The following SND1 variants were observed in gnomAD, a reference collection of about 807,000 sequenced individuals.
The protein encoded by SND1 is staphylococcal nuclease and tudor domain containing 1.
Under a neutral mutation model 121.7 loss-of-function variants are expected in SND1, and 38 were observed. The ratio of observed to expected loss-of-function variants is 0.31; its 90% CI spans 0.24 to 0.41. The LOEUF (loss-of-function observed/expected upper bound fraction) is 0.41, where lower values mean the gene tolerates loss of function less well. SND1 is among the 10% of genes least tolerant of loss of function. The pLI is 1.00. For synonymous variants in SND1, 401 were observed against 447.4 expected (o/e 0.90, Z 1.31); for missense variants, 868 against 1,184.6 (o/e 0.73, Z 3.92).
intron 9 of SND1, among the ~76,000 whole-genome samples, chr7:127,718,989 C>T (rs1184972991): frequency 6.6e-6 from 1 of 152,062 alleles, no homozygotes; most frequent in Non-Finnish European, 1.5e-5. Flanking sequence ...CAGTTACCCT[C>T]TATCCTTTGG....
intron 14 of SND1, among the ~76,000 whole-genome samples, chr7:127,916,279 T>C (rs1318075838): frequency 2.0e-5 from 3 of 151,996 alleles, no homozygotes; most frequent in Non-Finnish European, 4.4e-5. Flanking sequence ...AACTGAGTGG[T>C]TGATTGGATT....
intron 21 of SND1, among the ~76,000 whole-genome samples, chr7:128,087,558 G>A (rs956886953): frequency 6.6e-6 from 1 of 152,212 alleles, no homozygotes; most frequent in Non-Finnish European, 1.5e-5. Flanking sequence ...AGAGACAAAG[G>A]TGGTGCTGGG....
At chr7:127,720,418 A>G (rs1028446810) in intron 9 of SND1, among the ~76,000 whole-genome samples, 2 of 152,208 alleles carry the variant, frequency 1.3e-5, no homozygotes, top group Non-Finnish European at 2.9e-5. Context: ...AAAAAAAGGC[A>G]TTGAATATAA....
chr7:128,018,983 CCTTA>C (rs1388749066), intron 16 of SND1, among the ~76,000 whole-genome samples: 2 of 152,170 alleles, frequency 1.3e-5, no homozygotes, highest in African/African-American at 2.4e-5. Flanking sequence ...AATCCCTTAC[CCTTA>C]CTTCCCATGA....
rs1796097160 is a variant in SND1 at position 127,701,388 on chromosome 7, T to G, written c.589+65T>G. ...TTTCTTTCTGTTTGCACTCTTTGCT[T>G]CTTGAGGTTTGTAAAATCTAGTAAG... On this transcript the variant is annotated intron_variant, in intron 5 of 23. Coordinates refer to ENST00000354725, the MANE Select transcript of SND1 (RefSeq NM_014390.4). 65 of 1,525,270 alleles carry G rather than the reference T, an allele frequency of 4.3e-5. No individual in the cohort carries two copies. The South Asian group carries it at 7.8e-4, about 18-fold the overall frequency. The allele number at this position is 1,525,270 out of a possible 1,614,324, so 94.5% of individuals were successfully genotyped here. A position where few individuals can be genotyped will look rare whatever the true frequency, so the allele number is the denominator to read the frequency against.
chr7:127,671,434 T>G (rs1015131450), intron 1 of SND1, among the ~76,000 whole-genome samples: 3 of 152,204 alleles, frequency 2.0e-5, no homozygotes, highest in African/African-American at 4.8e-5. Flanking sequence ...CCCTTCAAAC[T>G]TCTGGTCACA....
Position 128,029,146 on chromosome 7 carries a change from G to A in SND1, c.1779+38090G>A, listed in dbSNP as rs781397665. On this transcript the variant is annotated intron_variant, in intron 16 of 23. Coordinates refer to ENST00000354725, the MANE Select transcript of SND1 (RefSeq NM_014390.4). This position sits in a 1 kb window ranked among gnomAD's most constrained non-coding sequence, Gnocchi z 4.2. ...GGTACTGCCACCTGCTTGGGCACAC[G>A]GGTAGTCTGAATGAGCACCGTGGTA... The A allele has an allele frequency of 6.8e-6, 11 of 1,614,062 alleles. No individual in the cohort carries two copies. The highest frequency in any genetic ancestry group is 1.7e-5 in the Admixed American group (1 of 60,014).
At position 127,807,590 on chromosome 7, in the gene SND1, A is replaced by G. The variant is rs759409714; in HGVS notation, c.1242+17A>G. The stretch of plus-strand genomic sequence containing the variant: ...GGGAAGAAGGTAAGTAATTGATGAC[A>G]GAAGCATATTTGCAAGTGGTTGGGC... On this transcript the variant is annotated intron_variant, in intron 11 of 23. Coordinates refer to ENST00000354725, the MANE Select transcript of SND1 (RefSeq NM_014390.4). 7.5e-6 allele frequency: 12 copies of G among 1,598,184 alleles called. No homozygotes were observed. The Admixed American group carries it at 2.0e-4, about 27-fold the overall frequency.
At chr7:127,835,020 G>A (rs994349293) in intron 11 of SND1, among the ~76,000 whole-genome samples, 1 of 152,174 alleles carries the variant, frequency 6.6e-6, no homozygotes, top group Non-Finnish European at 1.5e-5. Flanking sequence ...GGAACTCTTG[G>A]CAGGGTGAAT....
At chr7:127,929,416 G>A (rs1800915257) in intron 15 of SND1, 87 bp downstream of exon 15, 2 of 1,357,650 alleles carry the variant, frequency 1.5e-6, no homozygotes, top group East Asian at 2.3e-5. Context: ...GTTCTAGATA[G>A]GCCCTAGAGC....
intron 17 of SND1, among the ~76,000 whole-genome samples, 156 bp downstream of exon 17, chr7:128,074,846 C>T (rs752839866): frequency 3.9e-5 from 6 of 152,204 alleles, no homozygotes; most frequent in African/African-American, 9.6e-5. Flanking sequence ...CACACACAGG[C>T]GAGGAGAGGC....
intron 16 of SND1, among the ~76,000 whole-genome samples, chr7:128,046,716 C>T (rs912215095): frequency 2.0e-5 from 3 of 152,128 alleles, no homozygotes; most frequent in Admixed American, 2.0e-4. Context: ...ACCTCAGCCT[C>T]CGTTAAGTGC....
At chr7:127,993,040 A>G (rs1188737399) in intron 16 of SND1, among the ~76,000 whole-genome samples, 1 of 152,202 alleles carries the variant, frequency 6.6e-6, no homozygotes, top group Non-Finnish European at 1.5e-5. Flanking sequence ...GAGGATCTCA[A>G]TAAGAACCTT....
chr7:127,653,106 G>A (rs1795151080), intron 1 of SND1, among the ~76,000 whole-genome samples: 1 of 152,220 alleles, frequency 6.6e-6, no homozygotes, highest in Non-Finnish European at 1.5e-5. Flanking sequence ...AAGGTCACAT[G>A]GTGGTTTGGG....
intron 2 of SND1, among the ~76,000 whole-genome samples, chr7:127,694,230 C>T (rs1310466740): frequency 6.6e-6 from 1 of 152,150 alleles, no homozygotes; most frequent in Non-Finnish European, 1.5e-5. Flanking sequence ...AAATAAGGCT[C>T]ACTTGAGCAG....
chr7:127,935,874 G>A (rs1418154683), intron 15 of SND1, among the ~76,000 whole-genome samples: 2 of 152,190 alleles, frequency 1.3e-5, no homozygotes, highest in Non-Finnish European at 2.9e-5. Context: ...CTTATGTGCT[G>A]CTCTCATTAA....
intron 16 of SND1, among the ~76,000 whole-genome samples, chr7:128,020,899 C>A (rs532788012): frequency 6.6e-6 from 1 of 152,314 alleles, no homozygotes; most frequent in South Asian, 2.1e-4. Flanking sequence ...CGTCTCTCCC[C>A]CTCATGAGAG....
chr7:127,839,242 C>T (rs1798921051), intron 11 of SND1, among the ~76,000 whole-genome samples: 1 of 152,092 alleles, frequency 6.6e-6, no homozygotes, highest in Non-Finnish European at 1.5e-5. Context: ...GAAATTCTGT[C>T]ATGAGAGGGG....
chr7:127,904,073 A>T (rs1333840578), intron 13 of SND1, among the ~76,000 whole-genome samples: 1 of 152,184 alleles, frequency 6.6e-6, no homozygotes, highest in Non-Finnish European at 1.5e-5. Flanking sequence ...AGTGAGGCGT[A>T]GGCTTCTGTC....
Sources: gnomAD v4.1 joint callset for allele counts (sites outside exome capture counted in the v4.1 genomes callset) on GRCh38, gnomAD v4.1.1 for gene constraint, Gnocchi (gnomAD v3.1) non-coding constraint, MANE v1.5 for transcripts, NCBI Gene and HGNC (gene_info 2026-07-23, HGNC 2026-07-21) for gene names.